Variants in NOS1AP observed in about 807,000 individuals in gnomAD.
NOS1AP encodes nitric oxide synthase 1 adaptor protein, also known as carboxyl-terminal PDZ ligand of neuronal nitric oxide synthase protein.
NOS1AP carries 21 observed loss-of-function variants against 56.2 expected under a neutral mutation model. The observed-to-expected ratio is 0.37, with a 90% CI of 0.26 to 0.54. The LOEUF (loss-of-function observed/expected upper bound fraction) is 0.54. Among genes scored for constraint, NOS1AP ranks in the 20% least tolerant of loss-of-function variants. The pLI, the probability that NOS1AP is intolerant of heterozygous loss-of-function variation, is 0.84. For missense variants in NOS1AP, 522 were observed against 657.8 expected, an observed-to-expected ratio of 0.79 and a Z score of 2.26; for synonymous variants, 270 against 274.6, an observed-to-expected ratio of 0.98 and a Z score of 0.17.
chr1:162,218,395 T>C (rs1466724621), intron 2 of NOS1AP, among the ~76,000 whole-genome samples: 3 of 152,238 alleles, frequency 2.0e-5, no homozygotes, highest in African/African-American at 7.2e-5. Flanking sequence ...GGCAGTGCTT[T>C]GAACTCTCTT....
At chr1:162,318,593 G>A (rs1235637361) in intron 4 of NOS1AP, among the ~76,000 whole-genome samples, 1 of 150,772 alleles carries the variant, frequency 6.6e-6, no homozygotes, top group Non-Finnish European at 1.5e-5. Flanking sequence ...CTCCTATTAC[G>A]CCCTCCATTT....
intron 4 of NOS1AP, among the ~76,000 whole-genome samples, chr1:162,319,475 C>G (rs1401878274): frequency 6.6e-6 from 1 of 152,128 alleles, no homozygotes; most frequent in Non-Finnish European, 1.5e-5. Context: ...CACAATTGGC[C>G]CTGACCTCCT....
chr1:162,178,430 A>C (rs1651138936), intron 2 of NOS1AP, among the ~76,000 whole-genome samples: 13 of 152,228 alleles, frequency 8.5e-5, no homozygotes, highest in Admixed American at 8.5e-4. Flanking sequence ...TTTTATTTAA[A>C]AATATGTTTA....
intron 4 of NOS1AP, among the ~76,000 whole-genome samples, chr1:162,301,810 T>C (rs1029818807): frequency 6.6e-6 from 1 of 152,202 alleles, no homozygotes; most frequent in African/African-American, 2.4e-5. Flanking sequence ...TCTCAAATTA[T>C]TGCCATGCTT....
intron 1 of NOS1AP, among the ~76,000 whole-genome samples, chr1:162,098,419 A>G (rs1692298967): frequency 1.3e-5 from 2 of 151,872 alleles, no homozygotes; most frequent in East Asian, 1.9e-4. Flanking sequence ...TAGTTTCTTA[A>G]TTAAATTTGT....
chr1:162,246,593 G>A (rs942445979), intron 2 of NOS1AP, among the ~76,000 whole-genome samples: 3 of 152,160 alleles, frequency 2.0e-5, no homozygotes, highest in African/African-American at 7.2e-5. Flanking sequence ...ACCATGAGTT[G>A]ATAGTAGTAT....
At chr1:162,168,822 A>G (rs939330885) in intron 2 of NOS1AP, among the ~76,000 whole-genome samples, 3 of 152,192 alleles carry the variant, frequency 2.0e-5, no homozygotes, top group African/African-American at 7.2e-5. Flanking sequence ...TTTCGATAAT[A>G]TAGTAAGTCA....
intron 3 of NOS1AP, among the ~76,000 whole-genome samples, chr1:162,288,127 G>A (rs1295836130): frequency 2.0e-5 from 3 of 152,186 alleles, no homozygotes; most frequent in East Asian, 1.9e-4. Flanking sequence ...CCCTTGGAAA[G>A]GCTAGATTCG....
At chr1:162,179,567 G>A (rs958081736) in intron 2 of NOS1AP, among the ~76,000 whole-genome samples, 3 of 152,148 alleles carry the variant, frequency 2.0e-5, no homozygotes, top group Admixed American at 6.6e-5. Context: ...ATGCTGCAGC[G>A]ATTATGCAAA....
chr1:162,300,639 T>C lies in NOS1AP; in HGVS notation c.277T>C (p.Leu93=). The change falls in exon 4 of 10, where the codon TTA becomes CTA. Residue 93 remains leucine, a synonymous_variant. Transcript: ENST00000361897. ...VILKKKKKLL[L]LQKKEWTWDE... is the part of the protein sequence containing the mutation. Reference sequence around the variant, plus strand: ...CTAACTTATTCATTTACAGCTTCTTTTATTGCAGAAAAAGGAATGGACGTG... The same window carrying C: ...CTAACTTATTCATTTACAGCTTCTTCTATTGCAGAAAAAGGAATGGACGTG... The C allele has an allele frequency of 6.2e-7, 1 of 1,613,904 alleles. No homozygotes were observed.
chr1:162,134,992 C>T (rs1648928928), intron 1 of NOS1AP, among the ~76,000 whole-genome samples: 1 of 152,214 alleles, frequency 6.6e-6, no homozygotes, highest in Non-Finnish European at 1.5e-5. Flanking sequence ...GATGTTCCTG[C>T]CTAGAATGGC....
intron 3 of NOS1AP, 77 bp from the exon 4 acceptor site, chr1:162,300,556 T>C (rs917684230): frequency 7.8e-7 from 1 of 1,280,628 alleles, no homozygotes; most frequent in African/African-American, 1.5e-5. Context: ...AAAATGCATG[T>C]GTTTGCATAA....
chr1:162,290,798 A>G (rs1054711062), intron 3 of NOS1AP, among the ~76,000 whole-genome samples: 3 of 152,106 alleles, frequency 2.0e-5, no homozygotes, highest in Admixed American at 2.0e-4. Flanking sequence ...CTCACCCCAG[A>G]TGAGAAGACC....
intron 1 of NOS1AP, among the ~76,000 whole-genome samples, chr1:162,093,136 C>T (rs928926821): frequency 1.2e-4 from 18 of 152,112 alleles, no homozygotes; most frequent in African/African-American, 3.9e-4. Context: ...CCTCTAGAAC[C>T]CCTGGAATAT....
chr1:162,170,854 G>A (rs766510882), intron 2 of NOS1AP, among the ~76,000 whole-genome samples: 11 of 151,894 alleles, frequency 7.2e-5, no homozygotes, highest in African/African-American at 1.7e-4. Context: ...CAGGAGAATC[G>A]CTTGAACCAG....
At chr1:162,141,160 A>T (rs1234855498) in intron 1 of NOS1AP, among the ~76,000 whole-genome samples, 1 of 151,898 alleles carries the variant, frequency 6.6e-6, no homozygotes, top group African/African-American at 2.4e-5. Flanking sequence ...TCAATGTGAA[A>T]TACTAGGTGC....
intron 4 of NOS1AP, among the ~76,000 whole-genome samples, chr1:162,312,636 T>A (rs1656078664): frequency 6.7e-6 from 1 of 149,954 alleles, no homozygotes; most frequent in African/African-American, 2.4e-5. Flanking sequence ...GCTTTTGGTG[T>A]TTTAGACATG....
chr1:162,291,548 C>T (rs1352943869), intron 3 of NOS1AP, among the ~76,000 whole-genome samples: 1 of 151,630 alleles, frequency 6.6e-6, no homozygotes. Flanking sequence ...ATAAAAATTG[C>T]TAATTCCATA....
At chr1:162,107,212 C>T (rs1487513955) in intron 1 of NOS1AP, among the ~76,000 whole-genome samples, 2 of 151,842 alleles carry the variant, frequency 1.3e-5, no homozygotes, top group African/African-American at 4.8e-5. Flanking sequence ...AAGAATAAAC[C>T]ATAAGAGAAT....
Sources: gnomAD v4.1 joint callset for allele counts (sites outside exome capture counted in the v4.1 genomes callset) on GRCh38, gnomAD v4.1.1 for gene constraint, MANE v1.5 for transcripts, NCBI Gene and HGNC (gene_info 2026-07-23, HGNC 2026-07-21) for gene names.